CSMD1: variants seen among roughly 807,000 people sequenced by gnomAD.
The protein encoded by CSMD1 is CUB and sushi domain-containing protein 1.
CSMD1 carries 213 observed loss-of-function variants against 417.5 expected under a neutral mutation model. The ratio of observed to expected loss-of-function variants is 0.51; its 90% confidence interval spans 0.46 to 0.57. The LOEUF is 0.57. CSMD1 is among the 20% of genes least tolerant of loss of function. The pLI is 0.00. For missense variants in CSMD1, 6,923 were observed against 4,529.7 expected (o/e 1.53, Z -15.17); for synonymous variants, 2,862 against 1,736.8 (o/e 1.65, Z -16.11).
chr8:4,058,166 G>C (rs1464261289), intron 3 of CSMD1, among the ~76,000 whole-genome samples: 1 of 152,126 alleles, frequency 6.6e-6, no homozygotes, highest in Non-Finnish European at 1.5e-5. Context: ...CTACCCATGA[G>C]CATGGAATGT....
chr8:4,330,027 G>T (rs895609937), intron 3 of CSMD1, among the ~76,000 whole-genome samples: 6 of 152,102 alleles, frequency 3.9e-5, no homozygotes, highest in Non-Finnish European at 7.4e-5. Context: ...GCAGAACTGT[G>T]AGCCAATTAA....
chr8:4,084,546 A>T (rs1364942231), intron 3 of CSMD1, among the ~76,000 whole-genome samples: 1 of 152,178 alleles, frequency 6.6e-6, no homozygotes, highest in Non-Finnish European at 1.5e-5. Flanking sequence ...GGAAAAGGAC[A>T]ATTGGTAGGA....
At chr8:3,100,528 A>G (rs1585348248) in intron 46 of CSMD1, among the ~76,000 whole-genome samples, 1 of 152,224 alleles carries the variant, frequency 6.6e-6, no homozygotes, top group South Asian at 2.1e-4. Flanking sequence ...GCAATCACAC[A>G]TTAGAAAACA....
At chr8:3,184,061 C>A (rs114143590) in intron 36 of CSMD1, among the ~76,000 whole-genome samples, 1,667 of 152,258 alleles carry the variant, frequency 0.011, 29 homozygotes, top group African/African-American at 0.038. Flanking sequence ...TTTCACACTC[C>A]TTGATTTGGC....
Position 2,966,603 on chromosome 8 carries a change from C to T in CSMD1, c.9067G>A (p.Gly3023Arg). ...GLMTRHCTAN[G>R]TWTGTAPDCT... The stretch of plus-strand genomic sequence containing the variant: ...TCGGGAGCAGTGCCTGTCCAGGTCC[C>T]ATTGGCTGTGCAATGCCGTGTCATG... Residue 3023 changes from glycine to arginine, a missense_variant, in exon 58 of 70, where the codon GGG becomes AGG. Coordinates refer to ENST00000635120, the MANE Select transcript of CSMD1 (RefSeq NM_033225.6). 6.2e-7 allele frequency: 1 copy of T among 1,613,786 alleles called. No homozygotes were observed. The highest frequency in any genetic ancestry group is 8.5e-7 in the Non-Finnish European group (1 of 1,179,810).
At chr8:4,000,588 A>T (rs938854634) in intron 4 of CSMD1, among the ~76,000 whole-genome samples, 3 of 152,202 alleles carry the variant, frequency 2.0e-5, no homozygotes, top group Non-Finnish European at 4.4e-5. Flanking sequence ...TTTTCTTTAA[A>T]CGCAAATATA....
chr8:2,992,748 C>T (rs1471310571), intron 54 of CSMD1, among the ~76,000 whole-genome samples: 2 of 151,062 alleles, frequency 1.3e-5, no homozygotes, highest in Non-Finnish European at 2.9e-5. Flanking sequence ...TTTATGCCAT[C>T]TGATTTTCTT....
At chr8:4,608,452 G>C (rs1317482873) in intron 2 of CSMD1, among the ~76,000 whole-genome samples, 1 of 152,194 alleles carries the variant, frequency 6.6e-6, no homozygotes, top group Non-Finnish European at 1.5e-5. Context: ...CCAGTGGATT[G>C]AACGTGGAGG....
At chr8:4,015,070 C>A (rs1453049311) in intron 4 of CSMD1, among the ~76,000 whole-genome samples, 1 of 152,124 alleles carries the variant, frequency 6.6e-6, no homozygotes, top group African/African-American at 2.4e-5. Context: ...ACGATTTACA[C>A]TGGAATTGTT....
chr8:4,421,392 G>A (rs769961250), intron 2 of CSMD1, among the ~76,000 whole-genome samples: 2 of 152,014 alleles, frequency 1.3e-5, no homozygotes. Context: ...ATTTCTTTCA[G>A]GTGCCCACAG....
intron 5 of CSMD1, among the ~76,000 whole-genome samples, chr8:3,980,492 T>A (rs1813772112): frequency 1.3e-5 from 2 of 152,106 alleles, no homozygotes; most frequent in Admixed American, 1.3e-4. Context: ...CACAATTCAC[T>A]CTGCTCGTCT....
chr8:3,260,052 C>G (rs1377153075), intron 26 of CSMD1, among the ~76,000 whole-genome samples: 1 of 152,110 alleles, frequency 6.6e-6, no homozygotes, highest in Non-Finnish European at 1.5e-5. Flanking sequence ...CTCCCCGGTA[C>G]AGAACTATAA....
intron 3 of CSMD1, among the ~76,000 whole-genome samples, chr8:4,143,077 T>C (rs1184549686): frequency 3.3e-5 from 5 of 150,858 alleles, no homozygotes; most frequent in East Asian, 1.9e-4. Flanking sequence ...GAAGCAAGTT[T>C]AGTGACATGA....
At chr8:4,027,682 A>G (rs1215538727) in intron 4 of CSMD1, among the ~76,000 whole-genome samples, 1 of 152,186 alleles carries the variant, frequency 6.6e-6, no homozygotes, top group Non-Finnish European at 1.5e-5. Flanking sequence ...TAACGGACTA[A>G]TACAGATGAC....
Position 3,869,242 on chromosome 8 carries a change from C to A in CSMD1, c.819-115200G>T, listed in dbSNP as rs769743047. ...TTCTCTGATGCTCTGCCTAGCACTG[C>A]ATGCCTTCACTCAAGGGTCTCTTTC... is the stretch of plus-strand genomic sequence containing the variant. On this transcript the variant is annotated intron_variant, in intron 5 of 69. Transcript: ENST00000635120. Among the ~76,000 whole-genome samples, 26 of 152,190 alleles carry A rather than the reference C, an allele frequency of 1.7e-4. 1 individual carries two copies. The highest frequency in any genetic ancestry group is 3.1e-4 in the Non-Finnish European group (21 of 68,042).
chr8:4,166,131 T>C (rs1404806794), intron 3 of CSMD1, among the ~76,000 whole-genome samples: 1 of 152,198 alleles, frequency 6.6e-6, no homozygotes, highest in Admixed American at 6.5e-5. Context: ...GATGCAAACA[T>C]AATGTGAACC....
At chr8:4,753,033 T>A (rs1284718493) in intron 1 of CSMD1, among the ~76,000 whole-genome samples, 1 of 152,182 alleles carries the variant, frequency 6.6e-6, no homozygotes, top group Non-Finnish European at 1.5e-5. Flanking sequence ...CAATGCATAA[T>A]AAGAGAAAAT....
intron 10 of CSMD1, among the ~76,000 whole-genome samples, chr8:3,504,931 G>C (rs767430791): frequency 2.0e-5 from 3 of 151,890 alleles, no homozygotes; most frequent in Non-Finnish European, 4.4e-5. Context: ...AATGGGCAGA[G>C]ATAGAAAATG....
chr8:4,799,338 G>A (rs374245266), intron 1 of CSMD1, among the ~76,000 whole-genome samples: 1 of 152,040 alleles, frequency 6.6e-6, no homozygotes. Flanking sequence ...AGACATGACT[G>A]GTAATACAAT....
Sources: gnomAD v4.1 joint callset for allele counts (sites outside exome capture counted in the v4.1 genomes callset) on GRCh38, gnomAD v4.1.1 for gene constraint, MANE v1.5 for transcripts, NCBI Gene and HGNC (gene_info 2026-07-23, HGNC 2026-07-21) for gene names.